Variants in SZT2 observed in about 807,000 individuals in gnomAD.
The protein encoded by SZT2 is KICSTOR complex protein SZT2.
A neutral mutation model predicts 404.2 loss-of-function variants in SZT2; 216 were observed. The observed-to-expected ratio is 0.53, with a 90% CI of 0.48 to 0.60. The LOEUF (loss-of-function observed/expected upper bound fraction) is 0.60. Ranked by LOEUF, SZT2 falls within the 20% of genes least tolerant of loss-of-function variation. The probability of loss-of-function intolerance (pLI) is 0.00; values close to 1 mark genes in which losing one functional copy is unlikely to be tolerated. For missense variants in SZT2, 3,857 were observed against 4,459.2 expected (o/e 0.86, Z 3.85); for synonymous variants, 1,693 against 1,749.9 (o/e 0.97, Z 0.81).
rs774981111 is a variant in SZT2, at chr1:43,439,355, C to T, written c.6793-3C>T. 3 of 1,614,052 alleles carry T rather than the reference C, an allele frequency of 1.9e-6. No homozygotes were observed. In the Admixed American group the frequency reaches 5.0e-5, roughly 27 times the overall value. On this transcript the variant is annotated splice_region_variant and splice_polypyrimidine_tract_variant and intron_variant, in intron 48 of 71. Coordinates refer to ENST00000634258, the MANE Select transcript of SZT2 (RefSeq NM_001365999.1). The surrounding 1 kb of genome is among the most constrained non-coding windows in gnomAD (Gnocchi z 4.2). The stretch of plus-strand genomic sequence containing the variant: ...TAGTGCTCTGTGGCTGTTCTTTCCC[C>T]AGCATCCACTCCCACCACAGGGTGG...
chr1:43,448,461 A>G lies in SZT2; in HGVS notation c.9946A>G (p.Ile3316Val). The G allele has an allele frequency of 6.2e-7, 1 of 1,610,052 alleles. No individual in the cohort carries two copies. Among genetic ancestry groups the G allele is most frequent in the Non-Finnish European group, 8.5e-7 (1 of 1,178,356 alleles). The change falls in exon 69 of 72, where the codon ATT becomes GTT. Residue 3316 changes from isoleucine (I) to valine (V), a missense_variant. Around this residue, in one of 7 missense-constraint regions of SZT2, gnomAD observed 717 missense variants for 868.2 expected, o/e 0.83. Coordinates refer to ENST00000634258, the MANE Select transcript of SZT2 (RefSeq NM_001365999.1). This position sits in a 1 kb window ranked among gnomAD's most constrained non-coding sequence, Gnocchi z 4.2. ...ELLEAVHAKS[I>V]GDIDPQLDCF... ...CCTAGAAGCAGTCCATGCCAAATCC[A>G]TTGGGGACATCGACCCCCAGCTGGT...
At chr1:43,444,153 G>A (rs1655409236) in intron 62 of SZT2, among the ~76,000 whole-genome samples, 1 of 152,166 alleles carries the variant, frequency 6.6e-6, no homozygotes, top group Non-Finnish European at 1.5e-5. Flanking sequence ...CTGGAGTGCA[G>A]TGGCGCGATC....
rs774704618 is a variant in SZT2, at chr1:43,441,273, T to C, written c.7404T>C (p.Asp2468=). Reference sequence around the variant, plus strand: ...AAACAACTGATGACATTGTCCTGGATCGGCCAGAAGACACTCGGGGCCGGA... The same window carrying C: ...AAACAACTGATGACATTGTCCTGGACCGGCCAGAAGACACTCGGGGCCGGA... The part of the protein sequence containing the change: ...SPKTTDDIVL[D]RPEDTRGRRR... Residue 2468 remains aspartate, a synonymous_variant, in exon 53 of 72, where the codon GAT becomes GAC. Transcript: ENST00000634258. The surrounding 1 kb of genome is among the most constrained non-coding windows in gnomAD (Gnocchi z 4.8). 1.4e-5 allele frequency: 22 copies of C among 1,614,200 alleles called. No individual in the cohort carries two copies. Among genetic ancestry groups the C allele is most frequent in the Non-Finnish European group, 1.8e-5 (21 of 1,180,032 alleles).
chr1:43,419,738 G>A lies in SZT2; in HGVS notation c.884G>A (p.Gly295Glu). The change falls in exon 8 of 72, where the codon GGA becomes GAA. Residue 295 changes from glycine to glutamate, a missense_variant. Gly to Glu is a moderately conservative substitution (Grantham distance 98). Coordinates refer to ENST00000634258, the MANE Select transcript of SZT2 (RefSeq NM_001365999.1). Reference sequence around the variant, plus strand: ...TCAGTTGCTCACTTTTTCCAGGTGGGAGGAGTTTACTCTTATGACTGCAGT... The same window carrying A: ...TCAGTTGCTCACTTTTTCCAGGTGGAAGGAGTTTACTCTTATGACTGCAGT... Reference protein sequence around the residue: ...GTVACSFVQVGGVYSYDCSFG... With the variant: ...GTVACSFVQVEGVYSYDCSFG... The A allele has an allele frequency of 6.3e-7, 1 of 1,597,740 alleles. No individual in the cohort carries two copies. Among genetic ancestry groups the A allele is most frequent in the Non-Finnish European group, 8.5e-7 (1 of 1,179,468 alleles).
intron 7 of SZT2, among the ~76,000 whole-genome samples, chr1:43,419,526 G>A (rs1652090537): frequency 6.6e-6 from 1 of 152,230 alleles, no homozygotes; most frequent in African/African-American, 2.4e-5. Context: ...CAAAGAGGAT[G>A]CTGTGGCCGG....
chr1:43,418,759 G>A (rs189799750), intron 7 of SZT2, among the ~76,000 whole-genome samples: 163 of 152,330 alleles, frequency 1.1e-3, no homozygotes, highest in African/African-American at 3.8e-3. Flanking sequence ...AAGCTGGGTC[G>A]AGAAAGGAGG....
chr1:43,420,731 C>T lies in SZT2; in HGVS notation c.1262-18C>T, dbSNP rs780889285. On this transcript the variant is annotated intron_variant, in intron 9 of 71. Coordinates refer to ENST00000634258, the MANE Select transcript of SZT2 (RefSeq NM_001365999.1). The surrounding 1 kb of genome is among the most constrained non-coding windows in gnomAD (Gnocchi z 5.1). ...GTCCTATGCCTTCTCCTAACTGGCC[C>T]TTCCGCTTCTCCCTAAGGAGGGTCC... 6.3e-7 allele frequency: 1 copy of T among 1,597,220 alleles called. No individual in the cohort carries two copies. Among genetic ancestry groups the T allele is most frequent in the Non-Finnish European group, 8.5e-7 (1 of 1,178,820 alleles).
In SZT2 at chr1:43,423,017, G is replaced by T. The variant is rs999936542; in HGVS notation, c.2038-82G>T. The T allele has an allele frequency of 3.4e-5, 51 of 1,506,254 alleles. No individual in the cohort carries two copies. In the African/African-American group the frequency reaches 6.4e-4, roughly 19 times the overall value. The allele number at this position is 1,506,254 out of a possible 1,614,324, so 93.3% of individuals were successfully genotyped here. A position where few individuals can be genotyped will look rare whatever the true frequency, so the allele number is the denominator to read the frequency against. On this transcript the variant is annotated intron_variant, in intron 14 of 71. Coordinates refer to ENST00000634258, the MANE Select transcript of SZT2 (RefSeq NM_001365999.1). ...CAAGGAAGACCTGGAGAAGAGGGCT[G>T]TGTCTCACTTTGTCTGTGAGCCCCT...
At position 43,449,831 on chromosome 1, in the gene SZT2, C is replaced by G. The variant is rs1471506307; in HGVS notation, c.10087-272C>G. On this transcript the variant is annotated intron_variant, in intron 70 of 71. Coordinates refer to ENST00000634258, the MANE Select transcript of SZT2 (RefSeq NM_001365999.1). ...GGTTGTGCCAGGGGTACAGCACTCTCTGTTGATTGGCTTCAGTGTGCCAGG... is the reference window on the plus strand; with the variant it reads ...GGTTGTGCCAGGGGTACAGCACTCTGTGTTGATTGGCTTCAGTGTGCCAGG... The G allele has an allele frequency of 2.2e-5, 12 of 557,738 alleles. No homozygotes were observed. The South Asian group carries it at 2.4e-4, about 11-fold the overall frequency. The allele number at this position is 557,738 out of a possible 1,614,324, so 34.5% of individuals were successfully genotyped here. A position where few individuals can be genotyped will look rare whatever the true frequency, so the allele number is the denominator to read the frequency against.
At chr1:43,391,340 A>G (rs1648291765) in intron 1 of SZT2, among the ~76,000 whole-genome samples, 1 of 152,102 alleles carries the variant, frequency 6.6e-6, no homozygotes, top group Non-Finnish European at 1.5e-5. Context: ...TAACAAAGTT[A>G]CACAGCTATT....
rs1654799724 is a variant in SZT2 at position 43,439,231 on chromosome 1, T to C, written c.6793-127T>C. 1 of 1,518,744 alleles carries C rather than the reference T, an allele frequency of 6.6e-7. No homozygotes were observed. The highest frequency in any genetic ancestry group is 1.7e-5 in the Admixed American group (1 of 59,068). 94.1% of individuals were successfully genotyped at this position (1,518,744 alleles called of 1,614,324 possible). A position where few individuals can be genotyped will look rare whatever the true frequency, so the allele number is the denominator to read the frequency against. On this transcript the variant is annotated intron_variant, in intron 48 of 71. Coordinates refer to ENST00000634258, the MANE Select transcript of SZT2 (RefSeq NM_001365999.1). This position sits in a 1 kb window ranked among gnomAD's most constrained non-coding sequence, Gnocchi z 4.2. Reference sequence around the variant, plus strand: ...ACACCCATGCCCCCCCGGGGACCATTATTACCCGCCTGTGTCTTCTCATGC... The same window carrying C: ...ACACCCATGCCCCCCCGGGGACCATCATTACCCGCCTGTGTCTTCTCATGC...
chr1:43,409,101 A>C (rs924189449), intron 4 of SZT2, among the ~76,000 whole-genome samples: 1 of 152,228 alleles, frequency 6.6e-6, no homozygotes, highest in Non-Finnish European at 1.5e-5. Context: ...AGAGAGACAA[A>C]AGGCTCAAGA....
chr1:43,439,130 A>ACCCCTGC lies in SZT2; in HGVS notation c.6792+48_6792+54dup, dbSNP rs1557585701. The ACCCCTGC allele has an allele frequency of 7.4e-6, 12 of 1,612,422 alleles. No homozygotes were observed. Among genetic ancestry groups the ACCCCTGC allele is most frequent in the Middle Eastern group, 1.7e-4 (1 of 6,054 alleles). On this transcript the variant is annotated intron_variant, in intron 48 of 71. Transcript: ENST00000634258. This position sits in a 1 kb window ranked among gnomAD's most constrained non-coding sequence, Gnocchi z 4.2. ...CTCATCTCTCTCCACACTCATGTGC[A>ACCCCTGC]CCCCTGCCCCCTGCCCCACGCACTT...
chr1:43,439,807 T>C lies in SZT2; in HGVS notation c.7042+38T>C. 3 of 1,564,744 alleles carry C rather than the reference T, an allele frequency of 1.9e-6. No individual in the cohort carries two copies. The highest frequency in any genetic ancestry group is 1.2e-5 in the South Asian group (1 of 82,456). On this transcript the variant is annotated intron_variant, in intron 50 of 71. Coordinates refer to ENST00000634258, the MANE Select transcript of SZT2 (RefSeq NM_001365999.1). This position sits in a 1 kb window ranked among gnomAD's most constrained non-coding sequence, Gnocchi z 4.2. ...GGTCAGAGGATGAGGTGTTCAGTTATTGCTGTGGGAGGTAAGGGTGGTGAG... is the reference window on the plus strand; with the variant it reads ...GGTCAGAGGATGAGGTGTTCAGTTACTGCTGTGGGAGGTAAGGGTGGTGAG...
At position 43,420,027 on chromosome 1, in the gene SZT2, T is replaced by C. The variant is rs1652155521; in HGVS notation, c.1090+83T>C. The C allele has an allele frequency of 6.4e-7, 1 of 1,571,858 alleles. No homozygotes were observed. The highest frequency in any genetic ancestry group is 1.3e-5 in the African/African-American group (1 of 74,468). On this transcript the variant is annotated intron_variant, in intron 8 of 71. Coordinates refer to ENST00000634258, the MANE Select transcript of SZT2 (RefSeq NM_001365999.1). This position sits in a 1 kb window ranked among gnomAD's most constrained non-coding sequence, Gnocchi z 5.1. ...TGATGGGGCCCTGGAGGACTGAAAG[T>C]GTAACTGGGGCTGGCTCTGCTGGCA...
intron 62 of SZT2, 26 bp downstream of exon 62, chr1:43,443,822 T>C (rs763177763): frequency 2.5e-6 from 4 of 1,612,164 alleles, no homozygotes; most frequent in Middle Eastern, 2.1e-4. Flanking sequence ...TTTTCCCTTC[T>C]GTCTTCTCCT....
At chr1:43,443,557 T>TG in intron 61 of SZT2, 40 bp from the exon 62 acceptor site, 1 of 1,613,604 alleles carries the variant, frequency 6.2e-7, no homozygotes, top group Non-Finnish European at 8.5e-7. Flanking sequence ...GCAGGATGGT[T>TG]GACAGTGGGG....
Position 43,435,358 on chromosome 1 carries a change from C to G in SZT2, c.6034+29C>G, listed in dbSNP as rs1049642929. ...AGATCCCACCCAGGAGCCTCCCTCA[C>G]AAGGCAGTGCTGCCGCCCTTTCTTT... On this transcript the variant is annotated intron_variant, in intron 42 of 71. Transcript: ENST00000634258. The G allele has an allele frequency of 2.5e-6, 4 of 1,612,348 alleles. No individual in the cohort carries two copies. The African/African-American group carries it at 5.3e-5, about 22-fold the overall frequency.
At position 43,424,328 on chromosome 1, in the gene SZT2, G is replaced by C. The variant is rs2153932897; in HGVS notation, c.2367G>C (p.Leu789=). 1.3e-6 allele frequency: 2 copies of C among 1,598,086 alleles called. No individual in the cohort carries two copies. The highest frequency in any genetic ancestry group is 4.5e-5 in the East Asian group (2 of 44,884). ...CAGCCTCTTCTAGCCTGGCGTCACT[G>C]TCCCGCTACCTCTACCATCAGCGCT... ...GRSASSSLAS[L]SRYLYHQRWL... The change falls in exon 16 of 72, where the codon CTG becomes CTC. Residue 789 remains leucine, a synonymous_variant. Coordinates refer to ENST00000634258, the MANE Select transcript of SZT2 (RefSeq NM_001365999.1). This position sits in a 1 kb window ranked among gnomAD's most constrained non-coding sequence, Gnocchi z 4.1.
Sources: gnomAD v4.1 joint callset for allele counts (sites outside exome capture counted in the v4.1 genomes callset) on GRCh38, gnomAD v4.1.1 for gene constraint, gnomAD v4.1.1 regional missense constraint, Gnocchi (gnomAD v3.1) non-coding constraint, MANE v1.5 for transcripts, NCBI Gene and HGNC (gene_info 2026-07-23, HGNC 2026-07-21) for gene names.